SEMA3A: variants seen among roughly 807,000 people sequenced by gnomAD.
The protein encoded by SEMA3A is semaphorin-3A.
A neutral mutation model predicts 97.9 loss-of-function variants in SEMA3A; 29 were observed. The observed-to-expected ratio is 0.30, with a 90% CI of 0.22 to 0.40. The LOEUF (loss-of-function observed/expected upper bound fraction) is 0.40. Among genes scored for constraint, SEMA3A ranks in the 10% least tolerant of loss-of-function variants. SEMA3A has a pLI of 1.00. For missense variants in SEMA3A, 763 were observed against 951.3 expected (o/e 0.80, Z 2.60); for synonymous variants, 321 against 323.7 (o/e 0.99, Z 0.09).
At chr7:84,385,052 G>A (rs937348977) in intron 1 of SEMA3A, among the ~76,000 whole-genome samples, 9 of 143,764 alleles carry the variant, frequency 6.3e-5, no homozygotes, top group Admixed American at 4.3e-4. Context: ...CAAGTGAAGG[G>A]AACATCCACA....
intron 3 of SEMA3A, among the ~76,000 whole-genome samples, chr7:84,233,570 TA>T (rs1799165287): frequency 1.3e-5 from 2 of 151,976 alleles, no homozygotes; most frequent in East Asian, 1.9e-4. Context: ...TTTACATTAA[TA>T]AAGGAATTTT....
chr7:84,391,094 C>T (rs1803560858), intron 1 of SEMA3A, among the ~76,000 whole-genome samples: 2 of 152,102 alleles, frequency 1.3e-5, no homozygotes, highest in African/African-American at 2.4e-5. Context: ...GAAGTTGAAG[C>T]TTGTATAAAT....
intron 3 of SEMA3A, among the ~76,000 whole-genome samples, chr7:84,228,795 T>C (rs1370874955): frequency 6.6e-6 from 1 of 152,066 alleles, no homozygotes; most frequent in East Asian, 1.9e-4. Context: ...TGTCTGTTTT[T>C]CCAAATTCTG....
intron 6 of SEMA3A, among the ~76,000 whole-genome samples, chr7:84,030,414 G>A (rs1791699021): frequency 6.6e-6 from 1 of 152,086 alleles, no homozygotes; most frequent in Non-Finnish European, 1.5e-5. Flanking sequence ...GAAATGAGAT[G>A]AAACAAGTAC....
At position 84,183,612 on chromosome 7, in the gene SEMA3A, G is replaced by C. The variant is rs549716813; in HGVS notation, c.112+10863C>G. On this transcript the variant is annotated intron_variant, in intron 1 of 16. Coordinates refer to ENST00000265362, the MANE Select transcript of SEMA3A (RefSeq NM_006080.3). The stretch of plus-strand genomic sequence containing the variant: ...CAACAAGTAGGTACTTGGATACTAT[G>C]AGCAGAGTATGACCTATCATTCAAT... 2.6e-3 allele frequency among the ~76,000 whole-genome samples: 381 copies of C among 149,384 alleles called. 3 individuals carry two copies. The highest frequency in any genetic ancestry group is 2.0e-3 in the Non-Finnish European group (132 of 67,048).
chr7:84,349,514 G>A (rs190530851), intron 2 of SEMA3A, among the ~76,000 whole-genome samples: 46 of 152,282 alleles, frequency 3.0e-4, no homozygotes, highest in Admixed American at 1.6e-3. Flanking sequence ...TTGTGAGCAA[G>A]GCAGTGAGTT....
intron 1 of SEMA3A, among the ~76,000 whole-genome samples, chr7:84,469,875 A>G (rs1252322999): frequency 2.0e-5 from 3 of 152,008 alleles, no homozygotes; most frequent in Admixed American, 6.6e-5. Flanking sequence ...TTAGTTCCAA[A>G]TCATGTTGAT....
At chr7:84,307,628 TG>T (rs1801194252) in intron 2 of SEMA3A, among the ~76,000 whole-genome samples, 1 of 152,168 alleles carries the variant, frequency 6.6e-6, no homozygotes, top group Non-Finnish European at 1.5e-5. Context: ...CATGCTCTAT[TG>T]ATTTGCCCAT....
chr7:84,116,739 C>T (rs1302403341), intron 3 of SEMA3A, among the ~76,000 whole-genome samples: 1 of 152,164 alleles, frequency 6.6e-6, no homozygotes, highest in Non-Finnish European at 1.5e-5. Flanking sequence ...AGCAAGAGGA[C>T]AGTCATCTGC....
At chr7:84,487,979 C>G (rs915473462) in intron 1 of SEMA3A, among the ~76,000 whole-genome samples, 1 of 151,836 alleles carries the variant, frequency 6.6e-6, no homozygotes, top group Non-Finnish European at 1.5e-5. Context: ...ATTTGTCTTG[C>G]GTAAGTCTGC....
At chr7:83,990,563 T>G (rs1416631825) in intron 12 of SEMA3A, among the ~76,000 whole-genome samples, 1 of 120,174 alleles carries the variant, frequency 8.3e-6, no homozygotes, top group Non-Finnish European at 1.8e-5. Context: ...CAGCACCATT[T>G]ATTAAATAGG....
chr7:84,131,209 A>T (rs1319831424), intron 2 of SEMA3A, among the ~76,000 whole-genome samples: 3 of 152,092 alleles, frequency 2.0e-5, no homozygotes, highest in African/African-American at 7.2e-5. Context: ...GGTAAGTATA[A>T]GCCAGTGGAA....
intron 15 of SEMA3A, among the ~76,000 whole-genome samples, chr7:83,971,697 T>C (rs904294729): frequency 5.3e-5 from 8 of 152,178 alleles, no homozygotes; most frequent in African/African-American, 1.9e-4. Flanking sequence ...GCATGTGTGC[T>C]TAACCCATTT....
intron 1 of SEMA3A, among the ~76,000 whole-genome samples, chr7:84,153,737 C>G (rs571631921): frequency 6.6e-6 from 1 of 152,058 alleles, no homozygotes; most frequent in Non-Finnish European, 1.5e-5. Flanking sequence ...TTTATTTCCA[C>G]TCTTGCTTCT....
At chr7:84,288,123 T>A (rs1295909588) in intron 3 of SEMA3A, among the ~76,000 whole-genome samples, 1 of 152,070 alleles carries the variant, frequency 6.6e-6, no homozygotes, top group East Asian at 1.9e-4. Context: ...TTTTTTTTAA[T>A]ATATATTTTT....
chr7:84,281,217 C>T (rs1002399023), intron 3 of SEMA3A, among the ~76,000 whole-genome samples: 3 of 152,234 alleles, frequency 2.0e-5, no homozygotes, highest in East Asian at 1.9e-4. Context: ...ATAGAAGATT[C>T]GGCCTCCTTA....
intron 3 of SEMA3A, among the ~76,000 whole-genome samples, chr7:84,297,678 C>T (rs1584214131): frequency 6.6e-6 from 1 of 151,986 alleles, no homozygotes; most frequent in Admixed American, 6.5e-5. Flanking sequence ...TTCTGGCTAA[C>T]TGTTGGTTAC....
At chr7:83,965,645 TATATATATATATA>T (rs1385308400) in intron 15 of SEMA3A, among the ~76,000 whole-genome samples, 2 of 10,038 alleles carry the variant, frequency 2.0e-4, no homozygotes, top group African/African-American at 8.4e-4. Context: ...TATATATATA[TATATATATATATA>T]TATATATATT....
At chr7:84,409,720 T>C (rs1022766218) in intron 1 of SEMA3A, among the ~76,000 whole-genome samples, 2 of 152,154 alleles carry the variant, frequency 1.3e-5, no homozygotes, top group South Asian at 4.1e-4. Flanking sequence ...CAAGCAAATG[T>C]GTTTTCTCAA....
Sources: allele counts gnomAD v4.1 joint callset (sites outside exome capture counted in the v4.1 genomes callset), GRCh38; gene constraint gnomAD v4.1.1; transcripts MANE v1.5; gene names NCBI Gene and HGNC (gene_info 2026-07-23, HGNC 2026-07-21).